FMN1: variants seen among roughly 807,000 people sequenced by gnomAD.
FMN1 encodes the protein formin 1, also known as formin-1.
In FMN1, 110 loss-of-function variants were observed where a neutral mutation model predicts 132.4. That is an observed-to-expected ratio of 0.83 (90% CI 0.71 to 0.97). FMN1 has a LOEUF of 0.97. Among genes scored for constraint, FMN1 ranks in the 50% least tolerant of loss-of-function variants. FMN1 has a pLI of 0.00. For missense variants in FMN1, 1,792 were observed against 1,705.3 expected (o/e 1.05, Z -0.90); for synonymous variants, 722 against 651.7 (o/e 1.11, Z -1.64).
chr15:32,993,912 TG>T (rs61553799), intron 7 of FMN1, among the ~76,000 whole-genome samples: 5 of 86,974 alleles, frequency 5.7e-5, no homozygotes, highest in South Asian at 9.1e-4. Flanking sequence ...GGGGGCGGGG[TG>T]GGGGGGGTCT....
In FMN1 at chr15:33,133,483, G is replaced by T. The variant is rs561433887; in HGVS notation, c.1867+19565C>A. Among the ~76,000 whole-genome samples the T allele has an allele frequency of 1.4e-3, 215 of 152,318 alleles. 8 individuals are homozygous for T. The South Asian group carries it at 0.044, about 31-fold the overall frequency. The stretch of plus-strand genomic sequence containing the variant: ...TGTAGAAGAAAGAGCATTAACTGGA[G>T]TGCTAGAGACCTGTTTCCTAATTCT... On this transcript the variant is annotated intron_variant, in intron 4 of 20. Coordinates refer to ENST00000616417, the MANE Select transcript of FMN1 (RefSeq NM_001277313.2).
chr15:32,923,624 C>T (rs780974398), intron 10 of FMN1, among the ~76,000 whole-genome samples: 8 of 152,160 alleles, frequency 5.3e-5, no homozygotes, highest in African/African-American at 1.2e-4. Flanking sequence ...AGTTCACGTA[C>T]GCTTCACAGA....
At chr15:32,885,568 G>C (rs779488674) in intron 16 of FMN1, among the ~76,000 whole-genome samples, 6 of 152,090 alleles carry the variant, frequency 3.9e-5, no homozygotes, top group Admixed American at 1.3e-4. Flanking sequence ...TGCCTCACAA[G>C]GTCACTGCAG....
intron 16 of FMN1, among the ~76,000 whole-genome samples, chr15:32,865,869 T>C (rs1382476018): frequency 2.7e-5 from 4 of 149,984 alleles, no homozygotes; most frequent in African/African-American, 9.8e-5. Context: ...TAAAATAAAA[T>C]ACCTACTAAA....
At chr15:33,147,947 ATT>A (rs1964293434) in intron 4 of FMN1, among the ~76,000 whole-genome samples, 2 of 152,180 alleles carry the variant, frequency 1.3e-5, no homozygotes, top group African/African-American at 4.8e-5. Context: ...AAAAAAAAAT[ATT>A]GTTTCTGAAT....
chr15:32,813,991 G>C (rs1256756026), intron 17 of FMN1, among the ~76,000 whole-genome samples: 1 of 152,174 alleles, frequency 6.6e-6, no homozygotes, highest in Non-Finnish European at 1.5e-5. Context: ...CATAGGAATA[G>C]ATACATCAGA....
chr15:32,795,772 G>T (rs1162660009), intron 19 of FMN1, among the ~76,000 whole-genome samples: 1 of 152,176 alleles, frequency 6.6e-6, no homozygotes, highest in African/African-American at 2.4e-5. Flanking sequence ...GTCACAGACT[G>T]CACGTCTAGA....
At chr15:33,058,090 GT>G (rs1595372184) in intron 6 of FMN1, among the ~76,000 whole-genome samples, 16 of 110,292 alleles carry the variant, frequency 1.5e-4, no homozygotes, top group South Asian at 9.4e-4. Flanking sequence ...TGTGATGGGG[GT>G]GCTGGTGGAA....
At chr15:32,865,107 G>A (rs879295582) in intron 16 of FMN1, among the ~76,000 whole-genome samples, 8 of 152,278 alleles carry the variant, frequency 5.3e-5, no homozygotes, top group Non-Finnish European at 8.8e-5. Flanking sequence ...GAGAGAAAGA[G>A]GGAGAGAGAG....
chr15:32,808,901 GTT>G (rs35230592), intron 17 of FMN1, among the ~76,000 whole-genome samples: 105 of 144,446 alleles, frequency 7.3e-4, no homozygotes, highest in African/African-American at 2.2e-3. Flanking sequence ...AAACTTTAGT[GTT>G]TTTTTTTTTT....
At chr15:32,843,675 A>G (rs961274771) in intron 17 of FMN1, among the ~76,000 whole-genome samples, 13 of 152,330 alleles carry the variant, frequency 8.5e-5, no homozygotes, top group Admixed American at 8.5e-4. Context: ...CAATGAGCTC[A>G]GTGGGCAGAC....
chr15:33,021,525 T>C (rs1324149223), intron 6 of FMN1, among the ~76,000 whole-genome samples: 1 of 152,210 alleles, frequency 6.6e-6, no homozygotes, highest in East Asian at 1.9e-4. Context: ...TATTGTTTAA[T>C]ACTCAAAAAA....
At chr15:32,908,668 A>AGT (rs1189767191) in intron 11 of FMN1, 90 bp from the exon 12 acceptor site, 6 of 777,432 alleles carry the variant, frequency 7.7e-6, no homozygotes, top group African/African-American at 1.8e-5. Flanking sequence ...AAAGTCTCGA[A>AGT]GTGTGGTTCC....
intron 19 of FMN1, among the ~76,000 whole-genome samples, chr15:32,789,364 A>T (rs562297847): frequency 6.6e-6 from 1 of 152,334 alleles, no homozygotes; most frequent in East Asian, 1.9e-4. Flanking sequence ...TGTGATCAAT[A>T]AATTTTTCCA....
chr15:33,160,675 C>A (rs997138900), intron 3 of FMN1, among the ~76,000 whole-genome samples: 5 of 152,206 alleles, frequency 3.3e-5, no homozygotes, highest in Non-Finnish European at 7.3e-5. Context: ...TACTTGGACT[C>A]AAATGCAGCG....
chr15:33,048,120 A>C (rs1283891550), intron 6 of FMN1, among the ~76,000 whole-genome samples: 1 of 116,558 alleles, frequency 8.6e-6, no homozygotes, highest in Non-Finnish European at 1.9e-5. Context: ...GGGTAAAATA[A>C]AAATGTCTTC....
chr15:33,050,156 T>C (rs2036901993), intron 6 of FMN1, among the ~76,000 whole-genome samples: 1 of 152,232 alleles, frequency 6.6e-6, no homozygotes, highest in Non-Finnish European at 1.5e-5. Context: ...TGATGTTCAG[T>C]AGGTTAGGCG....
chr15:32,865,311 T>C lies in FMN1; in HGVS notation c.3836-8204A>G, dbSNP rs577352159. On this transcript the variant is annotated intron_variant, in intron 16 of 20. Coordinates refer to ENST00000616417, the MANE Select transcript of FMN1 (RefSeq NM_001277313.2). Reference sequence around the variant, plus strand: ...AAGCTGCCTAAAGCTAATTAGAAAGTCAGCCTTAAACTGGAACTATAATGA... The same window carrying C: ...AAGCTGCCTAAAGCTAATTAGAAAGCCAGCCTTAAACTGGAACTATAATGA... Among the ~76,000 whole-genome samples, 11 of 152,364 alleles carry C rather than the reference T, an allele frequency of 7.2e-5. No individual in the cohort carries two copies. In the South Asian group the frequency reaches 1.9e-3, roughly 26 times the overall value.
chr15:32,776,683 C>T (rs1420373890), intron 20 of FMN1, among the ~76,000 whole-genome samples, 152 bp downstream of exon 20: 2 of 143,898 alleles, frequency 1.4e-5, no homozygotes, highest in Non-Finnish European at 3.0e-5. Flanking sequence ...TCCACCCACA[C>T]ATACTTTTTT....
Sources: gnomAD v4.1 joint callset for allele counts (sites outside exome capture counted in the v4.1 genomes callset) on GRCh38, gnomAD v4.1.1 for gene constraint, MANE v1.5 for transcripts, NCBI Gene and HGNC (gene_info 2026-07-23, HGNC 2026-07-21) for gene names.